The following NELL1 variants were observed in gnomAD, a reference collection of about 807,000 sequenced individuals.
NELL1 encodes the protein neural EGFL like 1.
A neutral mutation model predicts 107.4 loss-of-function variants in NELL1; 76 were observed. That is an observed-to-expected ratio of 0.71 (90% CI 0.59 to 0.86). The LOEUF (loss-of-function observed/expected upper bound fraction) is 0.86, where lower values mean the gene tolerates loss of function less well. Among genes scored for constraint, NELL1 ranks in the 40% least tolerant of loss-of-function variants. The pLI is 0.00. For missense variants in NELL1, 1,024 were observed against 1,005.5 expected (o/e 1.02, Z -0.25); for synonymous variants, 353 against 341.2 (o/e 1.03, Z -0.38).
intron 2 of NELL1, among the ~76,000 whole-genome samples, chr11:20,691,435 C>G (rs919605930): frequency 2.6e-5 from 4 of 151,752 alleles, no homozygotes; most frequent in Non-Finnish European, 4.4e-5. Flanking sequence ...ATAGATAGCT[C>G]TTATTATTTT....
chr11:21,113,521 T>C, intron 12 of NELL1, 68 bp from the exon 13 acceptor site: 1 of 1,466,998 alleles, frequency 6.8e-7, no homozygotes, highest in East Asian at 2.3e-5. Context: ...TTAATTTATC[T>C]GCAAAATGAT....
chr11:21,417,328 T>C (rs1294671730), intron 15 of NELL1, among the ~76,000 whole-genome samples: 1 of 152,064 alleles, frequency 6.6e-6, no homozygotes, highest in African/African-American at 2.4e-5. Flanking sequence ...ATTTCTTACC[T>C]TTTTGGTGGT....
At chr11:20,984,848 T>A (rs772305454) in intron 12 of NELL1, among the ~76,000 whole-genome samples, 13 of 152,188 alleles carry the variant, frequency 8.5e-5, no homozygotes, top group Non-Finnish European at 1.6e-4. Flanking sequence ...TAAGACTAGA[T>A]GATTAAATTT....
chr11:21,035,530 T>G (rs1853069382), intron 12 of NELL1, among the ~76,000 whole-genome samples: 1 of 151,730 alleles, frequency 6.6e-6, no homozygotes, highest in African/African-American at 2.4e-5. Context: ...AGAAAGCTTA[T>G]TCACCACGAT....
intron 3 of NELL1, among the ~76,000 whole-genome samples, chr11:20,831,396 G>C (rs1858006343): frequency 6.6e-6 from 1 of 152,108 alleles, no homozygotes; most frequent in East Asian, 1.9e-4. Context: ...GTTTACAATG[G>C]CTCTGCCTTC....
chr11:21,334,593 T>C (rs1389116985), intron 14 of NELL1, among the ~76,000 whole-genome samples: 2 of 151,984 alleles, frequency 1.3e-5, no homozygotes, highest in African/African-American at 4.8e-5. Flanking sequence ...TCTCTCTTTC[T>C]TTCTATTTCT....
chr11:21,146,016 G>C (rs1478856085), intron 13 of NELL1, among the ~76,000 whole-genome samples: 1 of 152,122 alleles, frequency 6.6e-6, no homozygotes, highest in African/African-American at 2.4e-5. Context: ...ATCTGCTTCT[G>C]CCTCCCTTGG....
intron 12 of NELL1, among the ~76,000 whole-genome samples, chr11:21,052,665 G>A (rs1022171926): frequency 1.3e-5 from 2 of 151,340 alleles, no homozygotes; most frequent in Non-Finnish European, 2.9e-5. Flanking sequence ...GTGAGTGGGC[G>A]AGAGGACTGG....
intron 15 of NELL1, among the ~76,000 whole-genome samples, chr11:21,402,365 C>G (rs1343773114): frequency 8.6e-5 from 13 of 151,778 alleles, no homozygotes; most frequent in South Asian, 2.1e-4. Context: ...AAGCAAGAGA[C>G]CCACCCATAA....
chr11:21,179,722 C>T (rs2133822231), intron 13 of NELL1, among the ~76,000 whole-genome samples: 1 of 151,876 alleles, frequency 6.6e-6, no homozygotes, highest in Non-Finnish European at 1.5e-5. Flanking sequence ...AAAGAGAATA[C>T]TCAGTGAATA....
At chr11:20,898,682 T>G (rs1159180686) in intron 5 of NELL1, among the ~76,000 whole-genome samples, 1 of 152,124 alleles carries the variant, frequency 6.6e-6, no homozygotes, top group Non-Finnish European at 1.5e-5. Flanking sequence ...TGGTTTTAAT[T>G]TGCATTTCCC....
At chr11:21,463,482 C>T (rs1853950429) in intron 15 of NELL1, among the ~76,000 whole-genome samples, 1 of 152,070 alleles carries the variant, frequency 6.6e-6, no homozygotes, top group Admixed American at 6.6e-5. Flanking sequence ...AGTATATTTG[C>T]TGTTCTTCAG....
chr11:21,469,362 GA>G (rs1417889160), intron 15 of NELL1, among the ~76,000 whole-genome samples: 1 of 151,980 alleles, frequency 6.6e-6, no homozygotes, highest in East Asian at 1.9e-4. Context: ...CCACTTGCAA[GA>G]AAAAGTCTTG....
chr11:20,815,378 G>C (rs940412081), intron 3 of NELL1, among the ~76,000 whole-genome samples: 2 of 152,108 alleles, frequency 1.3e-5, no homozygotes, highest in Admixed American at 6.5e-5. Flanking sequence ...AAGCCACCGT[G>C]CCTGCCTGTG....
intron 14 of NELL1, 96 bp downstream of exon 14, chr11:21,229,550 C>A: frequency 6.6e-7 from 1 of 1,520,724 alleles, no homozygotes; most frequent in Non-Finnish European, 9.0e-7. Flanking sequence ...CTTGGTGGAA[C>A]ACAGCCAGGG....
At chr11:20,855,216 G>A (rs995565439) in intron 4 of NELL1, among the ~76,000 whole-genome samples, 6 of 146,524 alleles carry the variant, frequency 4.1e-5, no homozygotes, top group South Asian at 2.1e-4. Context: ...TATGCCTTTC[G>A]TTAACGATTG....
chr11:21,099,809 A>C (rs1403965449), intron 12 of NELL1, among the ~76,000 whole-genome samples: 1 of 152,106 alleles, frequency 6.6e-6, no homozygotes, highest in African/African-American at 2.4e-5. Context: ...TCAGCTACTC[A>C]GGGGCATGCC....
intron 10 of NELL1, among the ~76,000 whole-genome samples, chr11:20,946,845 G>T (rs1850972271): frequency 6.6e-6 from 1 of 152,170 alleles, no homozygotes; most frequent in Non-Finnish European, 1.5e-5. Flanking sequence ...TTAAGAGCAA[G>T]GAAGATTTGC....
chr11:21,476,036 C>T (rs1854324679), intron 15 of NELL1, among the ~76,000 whole-genome samples: 1 of 152,132 alleles, frequency 6.6e-6, no homozygotes, highest in East Asian at 1.9e-4. Context: ...TGTACATGTA[C>T]AGTTAATTAC....
Sources: allele counts gnomAD v4.1 joint callset (sites outside exome capture counted in the v4.1 genomes callset), GRCh38; gene constraint gnomAD v4.1.1; transcripts MANE v1.5; gene names NCBI Gene and HGNC (gene_info 2026-07-23, HGNC 2026-07-21).